Variants in DISC1 observed in about 807,000 individuals in gnomAD.
The protein encoded by DISC1 is disrupted in schizophrenia 1 protein.
DISC1 carries 57 observed loss-of-function variants against 84.5 expected under a neutral mutation model. The ratio of observed to expected loss-of-function variants is 0.67; its 90% CI spans 0.55 to 0.84. The LOEUF (loss-of-function observed/expected upper bound fraction) is 0.84. Among genes scored for constraint, DISC1 ranks in the 40% least tolerant of loss-of-function variants. The pLI is 0.00. For missense variants in DISC1, 1,000 were observed against 1,057.8 expected (o/e 0.95, Z 0.76); for synonymous variants, 411 against 415.2 (o/e 0.99, Z 0.12).
chr1:231,818,966 T>C (rs2081289678), intron 9 of DISC1: 3 of 1,001,060 alleles, frequency 3.0e-6, no homozygotes, highest in Admixed American at 1.1e-4. Flanking sequence ...TGAGAGCTTC[T>C]TTCCCCAGGA....
intron 8 of DISC1, among the ~76,000 whole-genome samples, chr1:231,814,742 A>T (rs1376063334): frequency 1.3e-5 from 2 of 152,120 alleles, no homozygotes; most frequent in African/African-American, 4.8e-5. Flanking sequence ...TTACAAATCC[A>T]CATCAACACA....
In DISC1 at chr1:231,795,936, T is replaced by A. The variant is rs72760413; in HGVS notation, c.1689+640T>A. On this transcript the variant is annotated intron_variant, in intron 7 of 12. Transcript: ENST00000439617. ...GGATGGTAGTAATTTGAGAAATTAA[T>A]TACTTTTCTTCCCAGGAGGGCAATG... Among the ~76,000 whole-genome samples the A allele has an allele frequency of 2.0e-5, 3 of 152,118 alleles. No homozygotes were observed. The East Asian group carries it at 5.8e-4, about 29-fold the overall frequency.
chr1:231,678,246 A>G (rs1173255454), intron 1 of DISC1, among the ~76,000 whole-genome samples: 1 of 152,200 alleles, frequency 6.6e-6, no homozygotes, highest in Admixed American at 6.5e-5. Context: ...GATGGTCAGT[A>G]TGGAATTGTA....
At chr1:231,924,894 G>A (rs1323460087) in intron 9 of DISC1, among the ~76,000 whole-genome samples, 1 of 151,276 alleles carries the variant, frequency 6.6e-6, no homozygotes, top group East Asian at 1.9e-4. Flanking sequence ...CTGACCTCGT[G>A]ATCTGCCTGC....
chr1:231,640,265 A>C (rs981028270), intron 1 of DISC1, among the ~76,000 whole-genome samples: 4 of 152,154 alleles, frequency 2.6e-5, no homozygotes, highest in African/African-American at 7.2e-5. Flanking sequence ...CCGTTTCTTG[A>C]GACAGGCTGC....
At chr1:231,919,551 T>A (rs1225436782) in intron 9 of DISC1, among the ~76,000 whole-genome samples, 1 of 152,224 alleles carries the variant, frequency 6.6e-6, no homozygotes, top group Non-Finnish European at 1.5e-5. Flanking sequence ...GGGGATTTGG[T>A]TTAAATTCAT....
rs201121308 is a variant in DISC1, at chr1:231,721,316, T to C, written c.1117+19292T>C. Among the ~76,000 whole-genome samples, 227 of 152,320 alleles carry C rather than the reference T, an allele frequency of 1.5e-3. 1 individual carries two copies. Among genetic ancestry groups the C allele is most frequent in the Non-Finnish European group, 5.0e-4 (34 of 68,030 alleles). ...ATGAGAAAAAAAAAGAAAAAAAGTT[T>C]TTAGGAGAGAAAAAATTAGAAGAAA... On this transcript the variant is annotated intron_variant, in intron 3 of 12. Transcript: ENST00000439617.
At position 231,694,722 on chromosome 1, in the gene DISC1, G is replaced by C. The variant is rs1356010951; in HGVS notation, c.964G>C (p.Asp322His). 1 of 1,614,172 alleles carries C rather than the reference G, an allele frequency of 6.2e-7. No homozygotes were observed. The highest frequency in any genetic ancestry group is 8.5e-7 in the Non-Finnish European group (1 of 1,180,052). ...TGGTGATGGGAGCAGCGGCTCAGGG[G>C]ATGCCCACTCTTGGGACACCCTGCT... ...CGGDGSSGSG[D>H]AHSWDTLLRK... Residue 322 changes from aspartate to histidine, a missense_variant, in exon 2 of 13, where the codon GAT becomes CAT. By Grantham distance (81) the Asp-to-His change is moderately conservative. Around this residue, in one of 3 missense-constraint regions of DISC1, gnomAD observed 311 missense variants for 400.1 expected, o/e 0.78. Coordinates refer to ENST00000439617, the MANE Select transcript of DISC1 (RefSeq NM_018662.3).
At chr1:231,752,678 A>G (rs2074741844) in intron 4 of DISC1, among the ~76,000 whole-genome samples, 1 of 152,198 alleles carries the variant, frequency 6.6e-6, no homozygotes, top group Admixed American at 6.5e-5. Context: ...AGTCCCCCAA[A>G]GACTTAACTC....
intron 10 of DISC1, among the ~76,000 whole-genome samples, chr1:231,962,235 T>A (rs1386522496): frequency 6.6e-6 from 1 of 152,252 alleles, no homozygotes; most frequent in Non-Finnish European, 1.5e-5. Context: ...TATTTGTTTT[T>A]TCTTTGTCAA....
Position 232,009,290 on chromosome 1 carries a change from T to A in DISC1, c.2307+241T>A. On this transcript the variant is annotated intron_variant, in intron 11 of 12. Coordinates refer to ENST00000439617, the MANE Select transcript of DISC1 (RefSeq NM_018662.3). This position sits in a 1 kb window ranked among gnomAD's most constrained non-coding sequence, Gnocchi z 4.6. ...TATTTAGTTCCATTTTCATTCTAAT[T>A]TAGTGGCTAGAATTAGAATATGCAG... 1 of 1,305,658 alleles carries A rather than the reference T, an allele frequency of 7.7e-7. No individual in the cohort carries two copies. The highest frequency in any genetic ancestry group is 3.5e-5 in the East Asian group (1 of 28,524). The allele number at this position is 1,305,658 out of a possible 1,614,324, so 80.9% of individuals were successfully genotyped here.
chr1:231,760,077 G>A (rs576968446), intron 4 of DISC1, among the ~76,000 whole-genome samples: 1 of 152,294 alleles, frequency 6.6e-6, no homozygotes, highest in East Asian at 1.9e-4. Context: ...CTCTTGCCGG[G>A]TGGTCATTTC....
intron 10 of DISC1, among the ~76,000 whole-genome samples, chr1:231,980,699 A>T (rs1041860565): frequency 2.0e-5 from 3 of 152,106 alleles, no homozygotes; most frequent in African/African-American, 7.3e-5. Flanking sequence ...ACTTTTTGTT[A>T]TATGATAGTT....
At chr1:231,825,585 G>C (rs952322487) in intron 9 of DISC1, among the ~76,000 whole-genome samples, 14 of 152,130 alleles carry the variant, frequency 9.2e-5, no homozygotes, top group South Asian at 4.1e-4. Context: ...TTGGGTGAGG[G>C]GATTATTTTT....
At chr1:231,892,660 A>G (rs2087328187) in intron 9 of DISC1, among the ~76,000 whole-genome samples, 1 of 147,718 alleles carries the variant, frequency 6.8e-6, no homozygotes, top group African/African-American at 2.5e-5. Flanking sequence ...GAATATAAAA[A>G]CAGGCAATTA....
chr1:231,766,297 A>AAG (rs1324664020), intron 4 of DISC1, among the ~76,000 whole-genome samples: 2 of 150,078 alleles, frequency 1.3e-5, no homozygotes, highest in East Asian at 3.9e-4. Flanking sequence ...CTAAAAAAAA[A>AAG]AAAAAAAAAA....
At chr1:231,799,953 T>TCC (rs2079091839) in intron 7 of DISC1, among the ~76,000 whole-genome samples, 155 bp from the exon 8 acceptor site, 1 of 74,384 alleles carries the variant, frequency 1.3e-5, no homozygotes, top group Non-Finnish European at 2.6e-5. Flanking sequence ...TGTCTTTCTT[T>TCC]TTCCATTGCT....
At chr1:231,868,970 A>T (rs1003111510) in intron 9 of DISC1, among the ~76,000 whole-genome samples, 6 of 151,944 alleles carry the variant, frequency 3.9e-5, no homozygotes, top group Admixed American at 3.9e-4. Flanking sequence ...GGTAATAATA[A>T]TCAGGACAAG....
At chr1:231,627,342 C>T (rs914218411) in intron 1 of DISC1, among the ~76,000 whole-genome samples, 1 of 152,234 alleles carries the variant, frequency 6.6e-6, no homozygotes, top group Non-Finnish European at 1.5e-5. Context: ...CAGCCTGCGC[C>T]CCCTCGGGAC....
Sources: allele counts gnomAD v4.1 joint callset (sites outside exome capture counted in the v4.1 genomes callset), GRCh38; gene constraint gnomAD v4.1.1; regional missense constraint gnomAD v4.1.1; non-coding constraint Gnocchi (gnomAD v3.1); transcripts MANE v1.5; gene names NCBI Gene and HGNC (gene_info 2026-07-23, HGNC 2026-07-21).